Variants in LEPR observed in about 807,000 individuals in gnomAD.
LEPR encodes OB receptor.
Under a neutral mutation model 114.7 loss-of-function variants are expected in LEPR, and 56 were observed. The observed-to-expected ratio is 0.49, with a 90% CI of 0.39 to 0.61. The LOEUF (loss-of-function observed/expected upper bound fraction) is 0.61. Ranked by LOEUF, LEPR falls within the 20% of genes least tolerant of loss-of-function variation. The probability of loss-of-function intolerance (pLI) is 0.00; values close to 1 mark genes in which losing one functional copy is unlikely to be tolerated. For synonymous variants in LEPR, 443 were observed against 461.4 expected (o/e 0.96, Z 0.51); for missense variants, 1,202 against 1,352.9 (o/e 0.89, Z 1.75).
At chr1:65,592,014 T>C (rs1011942854) in intron 5 of LEPR, among the ~76,000 whole-genome samples, 1 of 152,026 alleles carries the variant, frequency 6.6e-6, no homozygotes, top group African/African-American at 2.4e-5. Context: ...TTGTCTTCAA[T>C]TTATTATAGT....
At chr1:65,517,411 TG>T (rs1042061724) in intron 2 of LEPR, among the ~76,000 whole-genome samples, 7 of 152,242 alleles carry the variant, frequency 4.6e-5, no homozygotes, top group Non-Finnish European at 1.0e-4. Flanking sequence ...CAGTTCACCC[TG>T]ACCATCTTGA....
Position 65,633,949 on chromosome 1 carries a change from T to G in LEPR, c.2674-2242T>G. On this transcript the variant is annotated intron_variant, in intron 19 of 19. Coordinates refer to ENST00000349533, the MANE Select transcript of LEPR (RefSeq NM_002303.6). The surrounding 1 kb of genome is among the most constrained non-coding windows in gnomAD (Gnocchi z 4.1). The stretch of plus-strand genomic sequence containing the variant: ...GGGAACATCGACTTCTAATCCAGCT[T>G]TCTTGTTTAATTATGACCTAAATCT... 1.0e-6 allele frequency: 1 copy of G among 985,372 alleles called. No individual in the cohort carries two copies. The highest frequency in any genetic ancestry group is 1.2e-6 in the Non-Finnish European group (1 of 829,922). The allele number at this position is 985,372 out of a possible 1,614,324, so 61.0% of individuals were successfully genotyped here. A position where few individuals can be genotyped will look rare whatever the true frequency, so the allele number is the denominator to read the frequency against.
chr1:65,592,634 T>G (rs767222059), intron 5 of LEPR, 23 bp from the exon 6 acceptor site: 1 of 1,611,020 alleles, frequency 6.2e-7, no homozygotes, highest in Admixed American at 1.7e-5. Flanking sequence ...GTTTTAATAT[T>G]TAGCTCTTAT....
chr1:65,488,287 C>CTCT (rs1557620523), intron 2 of LEPR, among the ~76,000 whole-genome samples: 10 of 126,684 alleles, frequency 7.9e-5, no homozygotes, highest in Non-Finnish European at 1.6e-4. Context: ...TCTTTCCCTC[C>CTCT]CTCTCTCTCT....
At chr1:65,627,116 T>A (rs1471479270) in intron 19 of LEPR, among the ~76,000 whole-genome samples, 1 of 152,210 alleles carries the variant, frequency 6.6e-6, no homozygotes, top group Non-Finnish European at 1.5e-5. Flanking sequence ...TTCAGTAGCT[T>A]GTCTTGCTCA....
chr1:65,594,207 C>T (rs1043344489), intron 6 of LEPR, among the ~76,000 whole-genome samples: 3 of 151,878 alleles, frequency 2.0e-5, no homozygotes, highest in Non-Finnish European at 4.4e-5. Flanking sequence ...GATATCCATG[C>T]AAAAATCCAG....
At chr1:65,547,367 G>A (rs1651838132) in intron 2 of LEPR, among the ~76,000 whole-genome samples, 1 of 152,108 alleles carries the variant, frequency 6.6e-6, no homozygotes, top group Non-Finnish European at 1.5e-5. Flanking sequence ...GATTGGAGTT[G>A]TTTCAGAAGG....
At chr1:65,556,067 A>T (rs894769483) in intron 2 of LEPR, among the ~76,000 whole-genome samples, 1 of 152,166 alleles carries the variant, frequency 6.6e-6, no homozygotes, top group East Asian at 1.9e-4. Context: ...GGAGGTTATT[A>T]GGTCATGAGG....
intron 2 of LEPR, among the ~76,000 whole-genome samples, chr1:65,492,893 C>T (rs1358021154): frequency 1.3e-5 from 2 of 151,326 alleles, no homozygotes; most frequent in African/African-American, 4.9e-5. Flanking sequence ...GATACATGTG[C>T]AGGACGTGCA....
chr1:65,425,947 T>A (rs2101683208), intron 2 of LEPR, among the ~76,000 whole-genome samples: 1 of 152,282 alleles, frequency 6.6e-6, no homozygotes, highest in African/African-American at 2.4e-5. Context: ...CAGCTACTGT[T>A]ATGGGAACTA....
intron 5 of LEPR, among the ~76,000 whole-genome samples, chr1:65,592,344 A>G (rs1225674650): frequency 9.4e-6 from 1 of 106,334 alleles, no homozygotes; most frequent in Non-Finnish European, 2.3e-5. Flanking sequence ...GGTATGTCTG[A>G]AAAAAAAAGC....
intron 2 of LEPR, among the ~76,000 whole-genome samples, chr1:65,502,845 G>C (rs1038860727): frequency 2.0e-5 from 3 of 151,606 alleles, no homozygotes; most frequent in Non-Finnish European, 2.9e-5. Flanking sequence ...AATGTATAGA[G>C]CCTGGGGGGA....
In LEPR at chr1:65,528,161, G is replaced by GA. The variant is rs60902338; in HGVS notation, c.-20-37371dup. On this transcript the variant is annotated intron_variant, in intron 2 of 19. Coordinates refer to ENST00000349533, the MANE Select transcript of LEPR (RefSeq NM_002303.6). Reference sequence around the variant, plus strand: ...TGGAAATAAATACTAAAAGTATCCAGAAAAAAAAAAAAAAGAACTCTCTTG... The same window carrying GA: ...TGGAAATAAATACTAAAAGTATCCAGAAAAAAAAAAAAAAAGAACTCTCTTG... Among the ~76,000 whole-genome samples the GA allele has an allele frequency of 1.7e-3, 246 of 143,792 alleles. 2 individuals are homozygous for GA. In the East Asian group the frequency reaches 0.037, roughly 22 times the overall value. 94.3% of individuals were successfully genotyped at this position (143,792 alleles called of 152,430 possible). A position where few individuals can be genotyped will look rare whatever the true frequency, so the allele number is the denominator to read the frequency against.
chr1:65,543,674 G>C (rs1191039955), intron 2 of LEPR, among the ~76,000 whole-genome samples: 1 of 151,936 alleles, frequency 6.6e-6, no homozygotes, highest in Non-Finnish European at 1.5e-5. Context: ...TCCAGTCTCA[G>C]TTTTCTGCAT....
intron 2 of LEPR, chr1:65,433,043 T>G (rs1570438737): frequency 1.0e-6 from 1 of 985,312 alleles, no homozygotes; most frequent in Non-Finnish European, 1.2e-6. Context: ...AGAGCTCCAC[T>G]GAGATGCGGG....
chr1:65,630,133 T>C (rs2101035064), intron 19 of LEPR: 1 of 183,132 alleles, frequency 5.5e-6, no homozygotes, highest in Non-Finnish European at 1.2e-5. Flanking sequence ...CCAGTGTTGC[T>C]TCTGAGCAGT....
intron 19 of LEPR, chr1:65,629,274 C>T (rs1443774842): frequency 7.7e-6 from 3 of 390,098 alleles, no homozygotes; most frequent in Non-Finnish European, 9.9e-6. Context: ...CTTACGCTTC[C>T]CTCCATTTCT....
At position 65,472,615 on chromosome 1, in the gene LEPR, G is replaced by GACACACACACAC. The variant is rs77182938; in HGVS notation, c.-21+47259_-21+47270dup. Among the ~76,000 whole-genome samples, 282 of 137,134 alleles carry GACACACACACAC rather than the reference G, an allele frequency of 2.1e-3. 1 individual carries two copies. The highest frequency in any genetic ancestry group is 7.5e-3 in the African/African-American group (271 of 36,014). The allele number at this position is 137,134 out of a possible 152,430, so 90.0% of individuals were successfully genotyped here. On this transcript the variant is annotated intron_variant, in intron 2 of 19. Transcript: ENST00000349533. ...ATAATTAAATGAGTGTATATATATA[G>GACACACACACAC]ACACACACACACACACACACACACA... is the stretch of plus-strand genomic sequence containing the variant.
At chr1:65,432,628 A>G (rs142053507) in intron 2 of LEPR, 5 of 985,218 alleles carry the variant, frequency 5.1e-6, no homozygotes, top group African/African-American at 1.7e-5. Context: ...GTTCAAGCCT[A>G]TAATATTTAG....
Sources: allele counts gnomAD v4.1 joint callset (sites outside exome capture counted in the v4.1 genomes callset), GRCh38; gene constraint gnomAD v4.1.1; non-coding constraint Gnocchi (gnomAD v3.1); transcripts MANE v1.5; gene names NCBI Gene and HGNC (gene_info 2026-07-23, HGNC 2026-07-21).